Variants in GTF2F1 observed in about 807,000 individuals in gnomAD.
GTF2F1 encodes general transcription factor IIF subunit 1.
Under a neutral mutation model 63.5 loss-of-function variants are expected in GTF2F1, and 39 were observed. The observed-to-expected ratio is 0.61, with a 90% CI of 0.48 to 0.80. The LOEUF is 0.80. Among genes scored for constraint, GTF2F1 ranks in the 30% least tolerant of loss-of-function variants. GTF2F1 has a pLI of 0.00. For missense variants in GTF2F1, 657 were observed against 718.3 expected (o/e 0.91, Z 0.97); for synonymous variants, 287 against 285.3 (o/e 1.01, Z -0.06).
chr19:6,380,840 C>A lies in GTF2F1; in HGVS notation c.1231+64G>T, dbSNP rs143330643. 1.3e-3 allele frequency: 1,915 copies of A among 1,510,462 alleles called. 22 individuals carry two copies. The African/African-American group carries it at 0.023, about 18-fold the overall frequency. 93.6% of individuals were successfully genotyped at this position (1,510,462 alleles called of 1,614,324 possible). A position where few individuals can be genotyped will look rare whatever the true frequency, so the allele number is the denominator to read the frequency against. ...ATCTCCATCCCCTCTCTGTCCTGAGCCCCAACAGAGGTCAGGAGGCTGTGG... is the reference window on the plus strand; with the variant it reads ...ATCTCCATCCCCTCTCTGTCCTGAGACCCAACAGAGGTCAGGAGGCTGTGG... On this transcript the variant is annotated intron_variant, in intron 11 of 12. Coordinates refer to ENST00000394456, the MANE Select transcript of GTF2F1 (RefSeq NM_002096.3). This position sits in a 1 kb window ranked among gnomAD's most constrained non-coding sequence, Gnocchi z 5.3.
chr19:6,381,591 G>C lies in GTF2F1; in HGVS notation c.861C>G (p.Ser287Arg), dbSNP rs1175309609. The change falls in exon 8 of 13, where the codon AGC becomes AGG. Residue 287 changes from serine to arginine, a missense_variant. Physicochemically the swap from Ser to Arg is moderately radical, Grantham distance 110 (BLOSUM62 -1). This residue lies in a region of GTF2F1 where 602 missense variants were observed against 625.6 expected (regional missense o/e 0.96). Coordinates refer to ENST00000394456, the MANE Select transcript of GTF2F1 (RefSeq NM_002096.3). The surrounding 1 kb of genome is among the most constrained non-coding windows in gnomAD (Gnocchi z 4.1). ...CCTCCTGCTGCGGCGCCTTGGCCTT[G>C]CTCTCAGGCTCTTCTTGGGAGCTAC... The part of the protein sequence containing the change: ...GSSSSQEEPE[S>R]KAKAPQQEEG... The C allele has an allele frequency of 1.2e-6, 2 of 1,613,784 alleles. No individual in the cohort carries two copies. Among genetic ancestry groups the C allele is most frequent in the Admixed American group, 3.3e-5 (2 of 60,030 alleles).
intron 4 of GTF2F1, 88 bp downstream of exon 4, chr19:6,389,356 A>C: frequency 8.6e-7 from 1 of 1,164,294 alleles, no homozygotes. Flanking sequence ...TCTGAGGTTC[A>C]GAGAGGGTAC....
chr19:6,392,271 C>T (rs1004798533), intron 2 of GTF2F1: 10 of 503,374 alleles, frequency 2.0e-5, no homozygotes, highest in Non-Finnish European at 3.1e-5. Flanking sequence ...CCCAGTCTGC[C>T]AGAGAAGCTA....
chr19:6,390,567 A>C (rs2091992881), intron 3 of GTF2F1, among the ~76,000 whole-genome samples: 1 of 149,808 alleles, frequency 6.7e-6, no homozygotes, highest in East Asian at 1.9e-4. Flanking sequence ...AAAAAAAAAA[A>C]AAAAGACCAG....
intron 3 of GTF2F1, among the ~76,000 whole-genome samples, chr19:6,390,651 G>A (rs8111975): frequency 0.021 from 3,197 of 151,464 alleles, 101 homozygotes; most frequent in African/African-American, 0.074. Flanking sequence ...AGGCTGAGGC[G>A]GGTGGATCAC....
Position 6,393,138 on chromosome 19 carries a change from G to A in GTF2F1, c.-143C>T. 9.3e-7 allele frequency: 1 copy of A among 1,080,728 alleles called. No individual in the cohort carries two copies. The highest frequency in any genetic ancestry group is 2.3e-5 in the Admixed American group (1 of 43,992). 66.9% of individuals were successfully genotyped at this position (1,080,728 alleles called of 1,614,324 possible). A position where few individuals can be genotyped will look rare whatever the true frequency, so the allele number is the denominator to read the frequency against. On this transcript the variant is annotated 5_prime_UTR_variant, in exon 1 of 13. Transcript: ENST00000394456. ...GAGGACCCCAACCCTAGGCGCCTCT[G>A]GCGCTGGGAAAAGGTAACCGGAAGA...
intron 3 of GTF2F1, among the ~76,000 whole-genome samples, chr19:6,391,098 G>A (rs900317467): frequency 6.6e-6 from 1 of 152,128 alleles, no homozygotes; most frequent in Non-Finnish European, 1.5e-5. Flanking sequence ...GCCCTGCCAG[G>A]ACTCACCTAG....
rs749206250 is a variant in GTF2F1 at position 6,381,349 on chromosome 19, T to C, written c.1018+10A>G. 3.2e-6 allele frequency: 5 copies of C among 1,576,790 alleles called. No individual in the cohort carries two copies. In the African/African-American group the frequency reaches 4.1e-5, roughly 13 times the overall value. On this transcript the variant is annotated intron_variant, in intron 9 of 12. Coordinates refer to ENST00000394456, the MANE Select transcript of GTF2F1 (RefSeq NM_002096.3). This position sits in a 1 kb window ranked among gnomAD's most constrained non-coding sequence, Gnocchi z 4.1. Reference sequence around the variant, plus strand: ...CCAAGCCTCCAATATGGGGGCCACATGCGCCGCACCTTTCCTGCGCTTCTT... The same window carrying C: ...CCAAGCCTCCAATATGGGGGCCACACGCGCCGCACCTTTCCTGCGCTTCTT...
In GTF2F1 at chr19:6,381,462, G is replaced by C. The variant is rs146025220; in HGVS notation, c.915C>G (p.Ser305Arg). The part of the protein sequence containing the change: ...EEGPKGVDEQ[S>R]DSSEESEEEK... ...CCTCCTCACTCTCCTCACTACTGTC[G>C]CTCTGCTCATCGACACCTGGGAGGG... The change falls in exon 9 of 13, where the codon AGC (serine) becomes AGG (arginine). Residue 305 changes from serine to arginine, a missense_variant. Coordinates refer to ENST00000394456, the MANE Select transcript of GTF2F1 (RefSeq NM_002096.3). The surrounding 1 kb of genome is among the most constrained non-coding windows in gnomAD (Gnocchi z 4.1). The C allele has an allele frequency of 6.2e-7, 1 of 1,608,032 alleles. No homozygotes were observed.
chr19:6,380,203 A>C lies in GTF2F1; in HGVS notation c.*78T>G, dbSNP rs985777820. The C allele has an allele frequency of 5.0e-6, 6 of 1,206,904 alleles. No individual in the cohort carries two copies. The African/African-American group carries it at 8.9e-5, about 18-fold the overall frequency. The allele number at this position is 1,206,904 out of a possible 1,614,324, so 74.8% of individuals were successfully genotyped here. A position where few individuals can be genotyped will look rare whatever the true frequency, so the allele number is the denominator to read the frequency against. The stretch of plus-strand genomic sequence containing the variant: ...TGGAGGGCAGAGCCATGTATTGGAC[A>C]GAGCCTCACTCTAGGATGGCGAAGG... On this transcript the variant is annotated 3_prime_UTR_variant, in exon 13 of 13. Coordinates refer to ENST00000394456, the MANE Select transcript of GTF2F1 (RefSeq NM_002096.3). This position sits in a 1 kb window ranked among gnomAD's most constrained non-coding sequence, Gnocchi z 5.3.
chr19:6,392,335 T>C (rs1283484294), intron 2 of GTF2F1: 3 of 479,256 alleles, frequency 6.3e-6, no homozygotes, highest in Non-Finnish European at 1.2e-5. Context: ...GGGACGAAGA[T>C]TTGGGGGAAC....
Position 6,387,611 on chromosome 19 carries a change from C to G in GTF2F1, c.327-52G>C, listed in dbSNP as rs187840120. 6.9e-4 allele frequency: 898 copies of G among 1,297,440 alleles called. 13 individuals are homozygous for G. In the African/African-American group the frequency reaches 8.0e-3, roughly 12 times the overall value. 80.4% of individuals were successfully genotyped at this position (1,297,440 alleles called of 1,614,324 possible). Reference sequence around the variant, plus strand: ...GCCCATAGGGACCAGCCCCAGCCCCCCCGTGTCCCCCCGGGGCCTGCCTCC... The same window carrying G: ...GCCCATAGGGACCAGCCCCAGCCCCGCCGTGTCCCCCCGGGGCCTGCCTCC... On this transcript the variant is annotated intron_variant, in intron 4 of 12. Coordinates refer to ENST00000394456, the MANE Select transcript of GTF2F1 (RefSeq NM_002096.3).
At chr19:6,384,802 G>A (rs991450274) in intron 5 of GTF2F1, among the ~76,000 whole-genome samples, 2 of 151,188 alleles carry the variant, frequency 1.3e-5, no homozygotes, top group African/African-American at 4.9e-5. Flanking sequence ...CTTTTCTTTT[G>A]AGTTGGAGTC....
chr19:6,387,209 T>G, intron 5 of GTF2F1, 180 bp downstream of exon 5: 2 of 592,906 alleles, frequency 3.4e-6, no homozygotes, highest in Non-Finnish European at 5.9e-6. Flanking sequence ...GGGTGCCCCA[T>G]TGTGGCCCTA....
chr19:6,389,675 GCTTTGCT>G, intron 3 of GTF2F1, 38 bp from the exon 4 acceptor site: 1 of 1,593,448 alleles, frequency 6.3e-7, no homozygotes, highest in Non-Finnish European at 8.6e-7. Flanking sequence ...AGGGTCCCTG[GCTTTGCT>G]TGCGCAGTGC....
Position 6,383,758 on chromosome 19 carries a change from C to A in GTF2F1, c.498-263G>T, listed in dbSNP as rs1015790823. Among the ~76,000 whole-genome samples the A allele has an allele frequency of 5.3e-5, 8 of 152,146 alleles. No homozygotes were observed. The highest frequency in any genetic ancestry group is 1.9e-4 in the African/African-American group (8 of 41,438). Reference sequence around the variant, plus strand: ...CACCTCCCTCGGACTCAGAGTCTGGCCCCAATCCAGTCACACTGGTTTCTT... The same window carrying A: ...CACCTCCCTCGGACTCAGAGTCTGGACCCAATCCAGTCACACTGGTTTCTT... On this transcript the variant is annotated intron_variant, in intron 5 of 12. Transcript: ENST00000394456. The surrounding 1 kb of genome is among the most constrained non-coding windows in gnomAD (Gnocchi z 4.5).
At chr19:6,392,835 G>T in intron 2 of GTF2F1, 22 bp downstream of exon 2, 1 of 1,608,698 alleles carries the variant, frequency 6.2e-7, no homozygotes, top group Non-Finnish European at 8.5e-7. Context: ...GAGAGGAGTG[G>T]GAGATGGGGC....
intron 3 of GTF2F1, 100 bp from the exon 4 acceptor site, chr19:6,389,737 T>G: frequency 9.5e-7 from 1 of 1,056,044 alleles, no homozygotes; most frequent in Non-Finnish European, 1.4e-6. Context: ...AAGCTCTAGA[T>G]TCTCAAAACC....
Position 6,380,804 on chromosome 19 carries a change from C to T in GTF2F1, c.1231+100G>A. 6.7e-7 allele frequency: 1 copy of T among 1,494,094 alleles called. No homozygotes were observed. Among genetic ancestry groups the T allele is most frequent in the South Asian group, 1.2e-5 (1 of 81,170 alleles). The allele number at this position is 1,494,094 out of a possible 1,614,324, so 92.6% of individuals were successfully genotyped here. On this transcript the variant is annotated intron_variant, in intron 11 of 12. Transcript: ENST00000394456. This position sits in a 1 kb window ranked among gnomAD's most constrained non-coding sequence, Gnocchi z 5.3. Reference sequence around the variant, plus strand: ...TTCAAGGGGATCAGGGAGAGACAGGCCTCCACCCGCATCTCCATCCCCTCT... The same window carrying T: ...TTCAAGGGGATCAGGGAGAGACAGGTCTCCACCCGCATCTCCATCCCCTCT...
Sources: gnomAD v4.1 joint callset for allele counts (sites outside exome capture counted in the v4.1 genomes callset) on GRCh38, gnomAD v4.1.1 for gene constraint, gnomAD v4.1.1 regional missense constraint, Gnocchi (gnomAD v3.1) non-coding constraint, MANE v1.5 for transcripts, NCBI Gene and HGNC (gene_info 2026-07-23, HGNC 2026-07-21) for gene names.